The following NPHP4 variants were observed in gnomAD, a reference collection of about 807,000 sequenced individuals.
NPHP4 encodes nephrocystin 4.
In NPHP4, 151 loss-of-function variants were observed where a neutral mutation model predicts 155.8. That is an observed-to-expected ratio of 0.97 (90% CI 0.85 to 1.11). NPHP4 has a LOEUF of 1.11. Ranked by LOEUF, NPHP4 falls within the 50% of genes least tolerant of loss-of-function variation. The pLI is 0.00. For synonymous variants in NPHP4, 845 were observed against 816.8 expected (o/e 1.03, Z -0.59); for missense variants, 1,956 against 1,925.7 (o/e 1.02, Z -0.29).
At chr1:5,901,336 T>A (rs1644671241) in intron 16 of NPHP4, among the ~76,000 whole-genome samples, 1 of 152,230 alleles carries the variant, frequency 6.6e-6, no homozygotes, top group Non-Finnish European at 1.5e-5. Context: ...ACCAAGGCCC[T>A]AGGGAACCAT....
chr1:5,893,046 C>T (rs753969804), intron 16 of NPHP4, among the ~76,000 whole-genome samples: 24 of 152,170 alleles, frequency 1.6e-4, no homozygotes, highest in Middle Eastern at 3.2e-3. Context: ...CCAACTCCCA[C>T]GGTGGCAGGG....
In NPHP4 at chr1:5,904,805, C is replaced by A; in HGVS notation, c.1956-1G>T. ...TGTTCCTCGGCAGTCCTGGGCCACTCTGAATCCAACAACAGCTCTGGGTTA... is the reference window on the plus strand; with the variant it reads ...TGTTCCTCGGCAGTCCTGGGCCACTATGAATCCAACAACAGCTCTGGGTTA... On this transcript the variant is annotated splice_acceptor_variant, in intron 15 of 29. Transcript: ENST00000378156. LOFTEE classifies it high-confidence loss of function. The A allele has an allele frequency of 6.2e-7, 1 of 1,613,892 alleles. No individual in the cohort carries two copies. Among genetic ancestry groups the A allele is most frequent in the Non-Finnish European group, 8.5e-7 (1 of 1,179,800 alleles).
Position 5,986,037 on chromosome 1 carries a change from T to C in NPHP4, c.135+118A>G, listed in dbSNP as rs947033660. 3.4e-6 allele frequency: 4 copies of C among 1,175,028 alleles called. No individual in the cohort carries two copies. The South Asian group carries it at 4.0e-5, about 12-fold the overall frequency. 72.8% of individuals were successfully genotyped at this position (1,175,028 alleles called of 1,614,324 possible). On this transcript the variant is annotated intron_variant, in intron 2 of 29. Coordinates refer to ENST00000378156, the MANE Select transcript of NPHP4 (RefSeq NM_015102.5). ...CAGAATGGCTATATGGGTACCACCA[T>C]AAAGTAGCAAAATCAAAAATCAAAG...
rs1557657164 is a variant in NPHP4 at position 5,887,486 on chromosome 1, GT to G, written c.2305-21del. On this transcript the variant is annotated intron_variant, in intron 17 of 29. Coordinates refer to ENST00000378156, the MANE Select transcript of NPHP4 (RefSeq NM_015102.5). ...GAGATGCTGCAGAAGAGAAAAGCGC[GT>G]TCAGAGGCTGGAGCCGGCCCTGGGC... is the stretch of plus-strand genomic sequence containing the variant. 5.0e-6 allele frequency: 8 copies of G among 1,610,988 alleles called. No individual in the cohort carries two copies. The South Asian group carries it at 8.8e-5, about 18-fold the overall frequency.
intron 10 of NPHP4, among the ~76,000 whole-genome samples, chr1:5,929,163 C>T (rs1646155387): frequency 6.6e-6 from 1 of 152,230 alleles, no homozygotes; most frequent in African/African-American, 2.4e-5. Context: ...TGCAACCTCA[C>T]TAAACCCACT....
At chr1:5,949,326 C>T in intron 7 of NPHP4, among the ~76,000 whole-genome samples, 1 of 49,786 alleles carries the variant, frequency 2.0e-5, no homozygotes, top group Non-Finnish European at 4.7e-5. Flanking sequence ...CAAACAAGTC[C>T]AGCTCATTCA....
At chr1:5,878,374 G>A (rs1642842741) in intron 19 of NPHP4, among the ~76,000 whole-genome samples, 1 of 152,240 alleles carries the variant, frequency 6.6e-6, no homozygotes, top group Non-Finnish European at 1.5e-5. Flanking sequence ...CTCCGGCACA[G>A]GCCTGGTCTG....
At chr1:5,981,212 G>A (rs1050861214) in intron 2 of NPHP4, among the ~76,000 whole-genome samples, 1 of 152,126 alleles carries the variant, frequency 6.6e-6, no homozygotes, top group African/African-American at 2.4e-5. Context: ...GCAGGATCCC[G>A]TGGCTCCCAG....
Position 5,863,887 on chromosome 1 carries a change from C to G in NPHP4, c.4140+3G>C, listed in dbSNP as rs755849307. 2.5e-6 allele frequency: 4 copies of G among 1,613,730 alleles called. No homozygotes were observed. The East Asian group carries it at 8.9e-5, about 36-fold the overall frequency. On this transcript the variant is annotated splice_donor_region_variant and intron_variant, in intron 29 of 29. Coordinates refer to ENST00000378156, the MANE Select transcript of NPHP4 (RefSeq NM_015102.5). ...AGGAGTCCCAGGCACAGCCCCACCA[C>G]ACCTGGAAGGAGTCCTCTCTGAACC...
At chr1:5,991,775 G>A (rs1347216257) in intron 1 of NPHP4, among the ~76,000 whole-genome samples, 1 of 152,094 alleles carries the variant, frequency 6.6e-6, no homozygotes, top group Admixed American at 6.5e-5. Context: ...GCTGGAGCCG[G>A]GGGGCGGGGA....
rs1489058652 is a variant in NPHP4 at position 5,969,238 on chromosome 1, G to A, written c.301C>T (p.Leu101=). Reference sequence around the variant, plus strand: ...ACAGCCACGATATGAGGGTGGTTTAGGGATGTGTGAAAATACAAGGGCTGC... The same window carrying A: ...ACAGCCACGATATGAGGGTGGTTTAAGGATGTGTGAAAATACAAGGGCTGC... ...FNEPLYFHTS[L]NHPHIVAVVE... The change falls in exon 4 of 30, where the codon CTA becomes TTA. Residue 101 remains leucine, a synonymous_variant. Transcript: ENST00000378156. 22 of 1,568,164 alleles carry A rather than the reference G, an allele frequency of 1.4e-5. No homozygotes were observed. The highest frequency in any genetic ancestry group is 1.8e-5 in the Admixed American group (1 of 55,888).
rs374196077 is a variant in NPHP4, at chr1:5,933,134, C to G, written c.1302+13G>C. 39 of 1,519,424 alleles carry G rather than the reference C, an allele frequency of 2.6e-5. No individual in the cohort carries two copies. Among genetic ancestry groups the G allele is most frequent in the Admixed American group, 4.1e-5 (2 of 48,786 alleles). The allele number at this position is 1,519,424 out of a possible 1,614,324, so 94.1% of individuals were successfully genotyped here. On this transcript the variant is annotated intron_variant, in intron 10 of 29. Coordinates refer to ENST00000378156, the MANE Select transcript of NPHP4 (RefSeq NM_015102.5). ...GCTCACCGGAGATGCATAAGAAATA[C>G]CTAATAATTTACCTCTTCAGAGCTC...
At chr1:5,896,462 C>T (rs1644400809) in intron 16 of NPHP4, among the ~76,000 whole-genome samples, 1 of 152,164 alleles carries the variant, frequency 6.6e-6, no homozygotes, top group African/African-American at 2.4e-5. Context: ...AGGACACGCA[C>T]TGTTGACATT....
At chr1:5,888,550 A>G (rs1464749153) in intron 17 of NPHP4, 1 of 1,350,566 alleles carries the variant, frequency 7.4e-7, no homozygotes. Context: ...CGATCACTGC[A>G]TAGACATCGA....
At chr1:5,879,880 C>T (rs1052448543) in intron 19 of NPHP4, among the ~76,000 whole-genome samples, 1 of 151,254 alleles carries the variant, frequency 6.6e-6, no homozygotes, top group South Asian at 2.1e-4. Flanking sequence ...CATGCACACA[C>T]AGACACGCAC....
In NPHP4 at chr1:5,909,165, G is replaced by C. The variant is rs375051705; in HGVS notation, c.1490C>G (p.Pro497Arg). 2.5e-3 allele frequency: 3,997 copies of C among 1,601,166 alleles called. 124 individuals are homozygous for C. The South Asian group carries it at 0.043, about 17-fold the overall frequency. ...GCCTGGACTTACCCCTGGTCCCACA[G>C]GTGAGTTCTGCGGGGCAGCGAGAAC... Reference protein sequence around the residue: ...PRVLAAPQNSPVGPGLSISQL... With the variant: ...PRVLAAPQNSRVGPGLSISQL... Residue 497 changes from proline (P) to arginine (R), a missense_variant, in exon 12 of 30, where the codon CCT (proline) becomes CGT (arginine). Coordinates refer to ENST00000378156, the MANE Select transcript of NPHP4 (RefSeq NM_015102.5).
chr1:5,907,444 G>A (rs1453151356), intron 12 of NPHP4, among the ~76,000 whole-genome samples: 1 of 152,216 alleles, frequency 6.6e-6, no homozygotes, highest in Non-Finnish European at 1.5e-5. Flanking sequence ...ATCTCCCCCA[G>A]ATCATAATAT....
chr1:5,880,090 A>C, intron 19 of NPHP4, 24 bp downstream of exon 19: 3 of 1,608,506 alleles, frequency 1.9e-6, no homozygotes, highest in African/African-American at 1.3e-5. Context: ...CCACCCACAC[A>C]TGGGCCCAAC....
chr1:5,964,328 C>T (rs1449175847), intron 5 of NPHP4, among the ~76,000 whole-genome samples: 1 of 152,178 alleles, frequency 6.6e-6, no homozygotes, highest in Non-Finnish European at 1.5e-5. Context: ...TCTATGGGTA[C>T]AGCTGCTTTA....
Sources: gnomAD v4.1 joint callset for allele counts (sites outside exome capture counted in the v4.1 genomes callset) on GRCh38, gnomAD v4.1.1 for gene constraint, MANE v1.5 for transcripts, NCBI Gene and HGNC (gene_info 2026-07-23, HGNC 2026-07-21) for gene names.